Variants in RIMS4 observed in about 807,000 individuals in gnomAD.
RIMS4 encodes the protein regulating synaptic membrane exocytosis protein 4.
A neutral mutation model predicts 29.0 loss-of-function variants in RIMS4; 9 were observed. The ratio of observed to expected loss-of-function variants is 0.31; its 90% confidence interval spans 0.19 to 0.54. The LOEUF (loss-of-function observed/expected upper bound fraction) is 0.54. Among genes scored for constraint, RIMS4 ranks in the 20% least tolerant of loss-of-function variants. The pLI is 0.94. For synonymous variants in RIMS4, 130 were observed against 152.9 expected (o/e 0.85, Z 1.10); for missense variants, 193 against 365.7 (o/e 0.53, Z 3.85).
intron 1 of RIMS4, among the ~76,000 whole-genome samples, chr20:44,805,309 G>GTAAA (rs138563907): frequency 3.2e-4 from 48 of 151,962 alleles, no homozygotes; most frequent in East Asian, 1.2e-3. Context: ...CTGCCTCAAA[G>GTAAA]TAAATAAATA....
chr20:44,782,972 C>T (rs1002799836), intron 1 of RIMS4, among the ~76,000 whole-genome samples: 2 of 152,150 alleles, frequency 1.3e-5, no homozygotes, highest in African/African-American at 2.4e-5. Flanking sequence ...GGACTGAACT[C>T]AATGACATAA....
At chr20:44,780,688 A>T (rs763587725) in intron 1 of RIMS4, among the ~76,000 whole-genome samples, 4 of 152,224 alleles carry the variant, frequency 2.6e-5, no homozygotes, top group Admixed American at 2.0e-4. Flanking sequence ...GCCCATAATT[A>T]CAAAGCTGGC....
intron 4 of RIMS4, among the ~76,000 whole-genome samples, chr20:44,757,466 T>G (rs926111897): frequency 2.0e-5 from 3 of 152,092 alleles, no homozygotes; most frequent in African/African-American, 4.8e-5. Flanking sequence ...CTCAGTCCAG[T>G]GGAGGAGAGG....
chr20:44,757,281 CTG>C (rs1256546427), intron 4 of RIMS4, among the ~76,000 whole-genome samples: 1 of 152,018 alleles, frequency 6.6e-6, no homozygotes, highest in Non-Finnish European at 1.5e-5. Context: ...TTTGCTCACT[CTG>C]TGCTCACCTG....
intron 1 of RIMS4, among the ~76,000 whole-genome samples, chr20:44,803,160 G>A (rs1243249000): frequency 6.6e-6 from 1 of 152,126 alleles, no homozygotes; most frequent in Non-Finnish European, 1.5e-5. Context: ...CCTGAGAGCA[G>A]AAACCATGTC....
intron 1 of RIMS4, among the ~76,000 whole-genome samples, chr20:44,805,412 A>G (rs1244264501): frequency 6.6e-6 from 1 of 152,108 alleles, no homozygotes. Context: ...ATCATGCTTC[A>G]CTTATCCAAA....
At chr20:44,789,018 CACTT>C (rs2066221068) in intron 1 of RIMS4, among the ~76,000 whole-genome samples, 1 of 151,966 alleles carries the variant, frequency 6.6e-6, no homozygotes, top group Non-Finnish European at 1.5e-5. Context: ...CACCCAACCA[CACTT>C]AGTGTCATAA....
At chr20:44,788,859 T>C (rs2066220227) in intron 1 of RIMS4, among the ~76,000 whole-genome samples, 1 of 152,098 alleles carries the variant, frequency 6.6e-6, no homozygotes, top group African/African-American at 2.4e-5. Context: ...AATAACTTTT[T>C]CACAATGTAC....
At chr20:44,780,881 T>G (rs890686793) in intron 1 of RIMS4, among the ~76,000 whole-genome samples, 1 of 152,104 alleles carries the variant, frequency 6.6e-6, no homozygotes, top group Non-Finnish European at 1.5e-5. Flanking sequence ...AAAAGGCACA[T>G]GATAAGGATT....
rs1280585095 is a variant in RIMS4, at chr20:44,756,091, G to T, written c.*43C>A. 1.4e-6 allele frequency: 2 copies of T among 1,481,356 alleles called. No homozygotes were observed. The highest frequency in any genetic ancestry group is 3.5e-5 in the Admixed American group (2 of 56,606). The allele number at this position is 1,481,356 out of a possible 1,614,324, so 91.8% of individuals were successfully genotyped here. A position where few individuals can be genotyped will look rare whatever the true frequency, so the allele number is the denominator to read the frequency against. On this transcript the variant is annotated 3_prime_UTR_variant, in exon 6 of 6. Transcript: ENST00000372851. The surrounding 1 kb of genome is among the most constrained non-coding windows in gnomAD (Gnocchi z 5.9). Reference sequence around the variant, plus strand: ...GCCTGGGGTCCCAGGTCAGGGCTGGGTGGTCTCCAGGCCATCTTGGGGAGC... The same window carrying T: ...GCCTGGGGTCCCAGGTCAGGGCTGGTTGGTCTCCAGGCCATCTTGGGGAGC...
At chr20:44,803,893 C>T (rs2066287209) in intron 1 of RIMS4, among the ~76,000 whole-genome samples, 3 of 152,184 alleles carry the variant, frequency 2.0e-5, no homozygotes, top group African/African-American at 7.2e-5. Context: ...GGAAGGCACT[C>T]CAATGGGTGG....
Position 44,754,125 on chromosome 20 carries a change from A to C in RIMS4, c.*2009T>G, listed in dbSNP as rs1388384562. On this transcript the variant is annotated 3_prime_UTR_variant, in exon 6 of 6. Transcript: ENST00000372851. ...AGAAATCACACTGGTTAGAAAAACA[A>C]ACAGGCAAGGGGCCAATTCTGTGCC... is the stretch of plus-strand genomic sequence containing the variant. 6.6e-6 allele frequency: 1 copy of C among 152,304 alleles called. No homozygotes were observed. 9.4% of individuals were successfully genotyped at this position (152,304 alleles called of 1,614,324 possible). A position where few individuals can be genotyped will look rare whatever the true frequency, so the allele number is the denominator to read the frequency against.
chr20:44,775,572 C>A (rs968572038), intron 1 of RIMS4, among the ~76,000 whole-genome samples: 4 of 152,238 alleles, frequency 2.6e-5, no homozygotes, highest in Non-Finnish European at 5.9e-5. Context: ...TCACGCAGCC[C>A]CCAGAGTAAC....
intron 1 of RIMS4, among the ~76,000 whole-genome samples, chr20:44,775,072 C>G (rs758685763): frequency 1.3e-5 from 2 of 152,198 alleles, no homozygotes; most frequent in Non-Finnish European, 2.9e-5. Context: ...AAGCATGGCC[C>G]TTTCATTCTC....
intron 1 of RIMS4, among the ~76,000 whole-genome samples, chr20:44,782,770 A>T (rs2066190305): frequency 6.6e-6 from 1 of 152,184 alleles, no homozygotes; most frequent in Non-Finnish European, 1.5e-5. Context: ...AAAGGAAGGG[A>T]AAGAAATATG....
At chr20:44,795,055 C>A (rs2066248708) in intron 1 of RIMS4, among the ~76,000 whole-genome samples, 1 of 152,216 alleles carries the variant, frequency 6.6e-6, no homozygotes, top group African/African-American at 2.4e-5. Context: ...CAACAACATA[C>A]CCCTTTCCCT....
intron 1 of RIMS4, among the ~76,000 whole-genome samples, chr20:44,797,939 G>C (rs888466261): frequency 3.9e-5 from 6 of 152,104 alleles, no homozygotes; most frequent in African/African-American, 1.4e-4. Context: ...ACTTGCCCAG[G>C]GTCAGTTGGC....
Position 44,756,405 on chromosome 20 carries a change from C to A in RIMS4, c.592-53G>T. 1 of 1,506,294 alleles carries A rather than the reference C, an allele frequency of 6.6e-7. No homozygotes were observed. Among genetic ancestry groups the A allele is most frequent in the Non-Finnish European group, 9.1e-7 (1 of 1,095,984 alleles). 93.3% of individuals were successfully genotyped at this position (1,506,294 alleles called of 1,614,324 possible). The stretch of plus-strand genomic sequence containing the variant: ...AATCCTGCCAGTGCCACTCACAGGC[C>A]CAGAAGCAGAACCTGGGTCGCCCCA... On this transcript the variant is annotated intron_variant, in intron 5 of 5. Transcript: ENST00000372851. This position sits in a 1 kb window ranked among gnomAD's most constrained non-coding sequence, Gnocchi z 5.9.
At chr20:44,791,166 T>C (rs1413745512) in intron 1 of RIMS4, among the ~76,000 whole-genome samples, 1 of 152,258 alleles carries the variant, frequency 6.6e-6, no homozygotes, top group Non-Finnish European at 1.5e-5. Context: ...AAATATGTGT[T>C]GTGTGTGTGC....
Sources: gnomAD v4.1 joint callset for allele counts (sites outside exome capture counted in the v4.1 genomes callset) on GRCh38, gnomAD v4.1.1 for gene constraint, Gnocchi (gnomAD v3.1) non-coding constraint, MANE v1.5 for transcripts, NCBI Gene and HGNC (gene_info 2026-07-23, HGNC 2026-07-21) for gene names.